The following SLC9A9 variants were observed in gnomAD, a reference collection of about 807,000 sequenced individuals.
SLC9A9 encodes solute carrier family 9 member A9, also known as sodium/hydrogen exchanger 9.
Under a neutral mutation model 77.8 loss-of-function variants are expected in SLC9A9, and 62 were observed. The ratio of observed to expected loss-of-function variants is 0.80; its 90% CI spans 0.65 to 0.98. SLC9A9 has a LOEUF of 0.98. Among genes scored for constraint, SLC9A9 ranks in the 50% least tolerant of loss-of-function variants. The pLI is 0.00. For missense variants in SLC9A9, 775 were observed against 774.9 expected (o/e 1.00, Z 0.00); for synonymous variants, 320 against 283.5 (o/e 1.13, Z -1.29).
intron 9 of SLC9A9, among the ~76,000 whole-genome samples, chr3:143,541,782 G>A (rs1318439741): frequency 2.6e-5 from 4 of 152,180 alleles, no homozygotes; most frequent in Non-Finnish European, 2.9e-5. Context: ...TTGATTTCAT[G>A]ACTTAAAATT....
At chr3:143,563,991 C>T (rs778225580) in intron 8 of SLC9A9, among the ~76,000 whole-genome samples, 2 of 152,144 alleles carry the variant, frequency 1.3e-5, no homozygotes, top group Non-Finnish European at 2.9e-5. Flanking sequence ...TGTCTTATCG[C>T]TGACCCACAG....
chr3:143,415,345 A>G (rs1485075712), intron 12 of SLC9A9, among the ~76,000 whole-genome samples: 1 of 152,218 alleles, frequency 6.6e-6, no homozygotes, highest in Non-Finnish European at 1.5e-5. Context: ...TTTCATAGCT[A>G]GAGAAGAGAA....
chr3:143,479,424 A>C (rs1049634688), intron 11 of SLC9A9, among the ~76,000 whole-genome samples: 8 of 148,170 alleles, frequency 5.4e-5, no homozygotes, highest in East Asian at 2.0e-4. Flanking sequence ...ATTAAAAAAA[A>C]ATTTTTTTTG....
At chr3:143,457,217 T>C (rs554424749) in intron 12 of SLC9A9, among the ~76,000 whole-genome samples, 32 of 152,162 alleles carry the variant, frequency 2.1e-4, no homozygotes, top group South Asian at 1.7e-3. Flanking sequence ...GGGGTCTCCC[T>C]ATGTTGCTCA....
At chr3:143,298,985 T>C (rs1197749664) in intron 14 of SLC9A9, among the ~76,000 whole-genome samples, 1 of 152,210 alleles carries the variant, frequency 6.6e-6, no homozygotes, top group Non-Finnish European at 1.5e-5. Context: ...TCAGAGATCA[T>C]TGTATTAAAT....
intron 6 of SLC9A9, among the ~76,000 whole-genome samples, chr3:143,605,237 C>T (rs1374132137): frequency 1.3e-5 from 2 of 152,190 alleles, no homozygotes; most frequent in African/African-American, 4.8e-5. Flanking sequence ...CAGCAGCTAA[C>T]CAGATTCATC....
intron 6 of SLC9A9, among the ~76,000 whole-genome samples, chr3:143,624,722 C>A (rs2038287421): frequency 6.6e-6 from 1 of 152,204 alleles, no homozygotes; most frequent in South Asian, 2.1e-4. Context: ...GGGATGCCCT[C>A]TCTTACCACT....
At chr3:143,657,133 T>A (rs996508206) in intron 5 of SLC9A9, among the ~76,000 whole-genome samples, 6 of 152,174 alleles carry the variant, frequency 3.9e-5, no homozygotes, top group African/African-American at 1.2e-4. Context: ...GGATTGATTT[T>A]GCCAGTCAAG....
chr3:143,371,931 G>A (rs1442801685), intron 13 of SLC9A9: 4 of 372,454 alleles, frequency 1.1e-5, no homozygotes, highest in Non-Finnish European at 2.1e-5. Context: ...CAGTGACCAA[G>A]CTGAGAATCA....
chr3:143,837,240 T>G (rs2009590545), intron 1 of SLC9A9, among the ~76,000 whole-genome samples: 1 of 152,206 alleles, frequency 6.6e-6, no homozygotes, highest in Admixed American at 6.5e-5. Flanking sequence ...CCAGATCGCT[T>G]TAGACTCCAT....
intron 14 of SLC9A9, among the ~76,000 whole-genome samples, chr3:143,307,181 T>TTGGCAGATTGATATTAGCTA (rs980502799): frequency 4.6e-5 from 7 of 152,232 alleles, no homozygotes; most frequent in African/African-American, 1.7e-4. Context: ...TGCCTCTATG[T>TTGGCAGATTGATATTAGCTA]TGGCAGATTG....
chr3:143,786,063 G>C (rs1484832290), intron 4 of SLC9A9, among the ~76,000 whole-genome samples: 1 of 151,688 alleles, frequency 6.6e-6, no homozygotes, highest in African/African-American at 2.4e-5. Flanking sequence ...CACCGTGTTA[G>C]CCAGGATGGT....
intron 14 of SLC9A9, among the ~76,000 whole-genome samples, chr3:143,291,508 G>C (rs536352792): frequency 6.6e-6 from 1 of 152,292 alleles, no homozygotes; most frequent in South Asian, 2.1e-4. Flanking sequence ...CAAAGCCATG[G>C]GTTCTGTCTC....
chr3:143,535,450 T>C (rs999113373), intron 9 of SLC9A9, among the ~76,000 whole-genome samples: 1 of 152,188 alleles, frequency 6.6e-6, no homozygotes, highest in East Asian at 1.9e-4. Flanking sequence ...ATCAGTAAAT[T>C]TACTTTCTTT....
intron 11 of SLC9A9, among the ~76,000 whole-genome samples, chr3:143,476,831 GCTA>G (rs1356420564): frequency 6.6e-6 from 1 of 152,150 alleles, no homozygotes; most frequent in African/African-American, 2.4e-5. Flanking sequence ...AGGCAAAGGT[GCTA>G]CTATTATCCA....
chr3:143,408,120 G>A (rs560635300), intron 12 of SLC9A9, among the ~76,000 whole-genome samples: 2 of 152,082 alleles, frequency 1.3e-5, no homozygotes, highest in East Asian at 1.9e-4. Context: ...CTATCAGATC[G>A]GGGCCCAATG....
intron 5 of SLC9A9, chr3:143,655,734 A>G: frequency 1.3e-6 from 1 of 748,066 alleles, no homozygotes; most frequent in Non-Finnish European, 1.6e-6. Flanking sequence ...ACCTCTAGGT[A>G]AGCATAATAG....
At chr3:143,364,012 TG>T (rs1196046229) in intron 13 of SLC9A9, among the ~76,000 whole-genome samples, 3 of 152,206 alleles carry the variant, frequency 2.0e-5, no homozygotes, top group Non-Finnish European at 4.4e-5. Flanking sequence ...CAAAGGCTAT[TG>T]GTTGATTTTT....
At chr3:143,656,391 A>C (rs951146387) in intron 5 of SLC9A9, among the ~76,000 whole-genome samples, 1 of 152,152 alleles carries the variant, frequency 6.6e-6, no homozygotes, top group Non-Finnish European at 1.5e-5. Context: ...TCATGACTAC[A>C]TGACTCCATG....
Sources: gnomAD v4.1 joint callset for allele counts (sites outside exome capture counted in the v4.1 genomes callset) on GRCh38, gnomAD v4.1.1 for gene constraint, MANE v1.5 for transcripts, NCBI Gene and HGNC (gene_info 2026-07-23, HGNC 2026-07-21) for gene names.